The following UNC5CL variants were observed in gnomAD, a reference collection of about 807,000 sequenced individuals.
UNC5CL encodes UNC5C-like protein.
In UNC5CL, 42 loss-of-function variants were observed where a neutral mutation model predicts 54.1. The ratio of observed to expected loss-of-function variants is 0.78; its 90% CI spans 0.61 to 1.00. The LOEUF (loss-of-function observed/expected upper bound fraction) is 1.00, where lower values mean the gene tolerates loss of function less well. UNC5CL is among the 50% of genes least tolerant of loss of function. The pLI, the probability that UNC5CL is intolerant of heterozygous loss-of-function variation, is 0.00. For missense variants in UNC5CL, 619 were observed against 675.6 expected (o/e 0.92, Z 0.93); for synonymous variants, 285 against 285.1 (o/e 1.00, Z 0.00).
Position 41,028,284 on chromosome 6 carries a change from C to CTT in UNC5CL, c.*88_*89insAA. 2 of 1,324,176 alleles carry CTT rather than the reference C, an allele frequency of 1.5e-6. No individual in the cohort carries two copies. Among genetic ancestry groups the CTT allele is most frequent in the Non-Finnish European group, 2.0e-6 (2 of 990,666 alleles). 82.0% of individuals were successfully genotyped at this position (1,324,176 alleles called of 1,614,324 possible). On this transcript the variant is annotated 3_prime_UTR_variant, in exon 9 of 9. Transcript: ENST00000244565. The surrounding 1 kb of genome is among the most constrained non-coding windows in gnomAD (Gnocchi z 4.3). ...AGGGTTCTGGGAAGGGTGGTGGGCA[C>CTT]AGCCAGGAACAGCTGCTGTGTTCCT...
At position 41,032,072 on chromosome 6, in the gene UNC5CL, A is replaced by G; in HGVS notation, c.1015T>C (p.Cys339Arg). Residue 339 changes from cysteine (C) to arginine (R), a missense_variant, in exon 5 of 9, where the codon TGC becomes CGC. Coordinates refer to ENST00000244565, the MANE Select transcript of UNC5CL (RefSeq NM_173561.3). The part of the protein sequence containing the change: ...VPHLHIWHGK[C>R]PFRSFCFRRK... ...CGGAAGCAGAAGGAGCGGAAGGGGC[A>G]CTTTCCATGCCAGATGTGGAGATGG... 1 of 1,614,176 alleles carries G rather than the reference A, an allele frequency of 6.2e-7. No individual in the cohort carries two copies.
rs1446657433 is a variant in UNC5CL, at chr6:41,030,733, T to C, written c.1142A>G (p.Glu381Gly). The change falls in exon 7 of 9, where the codon GAA (glutamate) becomes GGA (glycine). Residue 381 changes from glutamate to glycine, a missense_variant. Coordinates refer to ENST00000244565, the MANE Select transcript of UNC5CL (RefSeq NM_173561.3). ...FQDGLETKYM[E>G]ILRFQASEEE... ...CTCTGATGCCTGGAATCTGAGGATT[T>C]CCATATACTTGGTCTCCAAGCCCTG... 1 of 1,613,954 alleles carries C rather than the reference T, an allele frequency of 6.2e-7. No individual in the cohort carries two copies.
Position 41,033,287 on chromosome 6 carries a change from G to T in UNC5CL, c.687-141C>A, listed in dbSNP as rs139036340. ...AGAACACTCGAGGGGAGCACTTAGG[G>T]AGGAACTGGTAGGTTGGGGATGAAA... is the stretch of plus-strand genomic sequence containing the variant. On this transcript the variant is annotated intron_variant, in intron 3 of 8. Coordinates refer to ENST00000244565, the MANE Select transcript of UNC5CL (RefSeq NM_173561.3). 3.5e-4 allele frequency: 370 copies of T among 1,052,324 alleles called. 4 individuals are homozygous for T. The East Asian group carries it at 9.5e-3, about 27-fold the overall frequency. The allele number at this position is 1,052,324 out of a possible 1,614,324, so 65.2% of individuals were successfully genotyped here.
rs775177885 is a variant in UNC5CL, at chr6:41,030,640, C to A, written c.1220+15G>T. The A allele has an allele frequency of 2.5e-6, 4 of 1,613,958 alleles. No homozygotes were observed. The highest frequency in any genetic ancestry group is 1.7e-4 in the Middle Eastern group (1 of 6,004). ...AACATCCCCCAGGCAGCAGCCCAAG[C>A]AACCCCCGTCTCACCTATTGCATGG... On this transcript the variant is annotated intron_variant, in intron 7 of 8. Coordinates refer to ENST00000244565, the MANE Select transcript of UNC5CL (RefSeq NM_173561.3).
In UNC5CL at chr6:41,030,495, G is replaced by A. The variant is rs1762441691; in HGVS notation, c.1227C>T (p.Pro409=). The A allele has an allele frequency of 1.2e-6, 2 of 1,614,176 alleles. No individual in the cohort carries two copies. The highest frequency in any genetic ancestry group is 1.7e-6 in the Non-Finnish European group (2 of 1,180,028). ...TCCGCAGCTGCTCAAAGAGCTCTGG[G>A]GGCAGCCTTAGGCAGGGAAAAGGGT... The part of the protein sequence containing the change: ...VSQPPPCNRL[P]PELFEQLRML... The change falls in exon 8 of 9, where the codon CCC becomes CCT. Residue 409 remains proline (P), a synonymous_variant. Transcript: ENST00000244565.
intron 8 of UNC5CL, among the ~76,000 whole-genome samples, chr6:41,030,172 G>A (rs1762436166): frequency 6.6e-6 from 1 of 152,220 alleles, no homozygotes; most frequent in Admixed American, 6.5e-5. Context: ...ACTGTTAAAT[G>A]TTAATTGAGC....
At chr6:41,037,256 T>G (rs1291365956) in intron 1 of UNC5CL, among the ~76,000 whole-genome samples, 1 of 152,226 alleles carries the variant, frequency 6.6e-6, no homozygotes, top group African/African-American at 2.4e-5. Context: ...CGGCTGTGTA[T>G]CGGACACTGT....
Position 41,033,902 on chromosome 6 carries a change from C to T in UNC5CL, c.665G>A (p.Arg222His), listed in dbSNP as rs760223916. The change falls in exon 3 of 9, where the codon CGC (arginine) becomes CAC (histidine). Residue 222 changes from arginine (R) to histidine (H), a missense_variant. Coordinates refer to ENST00000244565, the MANE Select transcript of UNC5CL (RefSeq NM_173561.3). ...PGAHASRDEC[R>H]IHLSHFSLYT... The stretch of plus-strand genomic sequence containing the variant: ...CTACCTGAAGTGGGAGAGGTGGATG[C>T]GACACTCATCCCGGGAGGCGTGGGC... 4.3e-6 allele frequency: 7 copies of T among 1,613,384 alleles called. No individual in the cohort carries two copies. Among genetic ancestry groups the T allele is most frequent in the African/African-American group, 4.0e-5 (3 of 74,910 alleles).
chr6:41,031,836 C>T, intron 5 of UNC5CL, 88 bp from the exon 6 acceptor site: 3 of 1,434,396 alleles, frequency 2.1e-6, no homozygotes, highest in South Asian at 2.3e-5. Context: ...TATAGTAAGA[C>T]TTGGGAAATC....
At chr6:41,034,542 G>A (rs1450370878) in intron 2 of UNC5CL, 148 bp downstream of exon 2, 1 of 1,079,974 alleles carries the variant, frequency 9.3e-7, no homozygotes, top group Non-Finnish European at 1.3e-6. Context: ...TATGTAATAT[G>A]TCCATCCCTG....
At chr6:41,034,643 TAC>T in intron 2 of UNC5CL, 45 bp downstream of exon 2, 1 of 1,578,086 alleles carries the variant, frequency 6.3e-7, no homozygotes, top group Non-Finnish European at 8.6e-7. Flanking sequence ...TGACCTAATG[TAC>T]AGTCTGACCA....
chr6:41,034,235 C>A, intron 2 of UNC5CL, 54 bp from the exon 3 acceptor site: 1 of 1,538,846 alleles, frequency 6.5e-7, no homozygotes, highest in Non-Finnish European at 8.7e-7. Flanking sequence ...ACACCCCTGC[C>A]CCTGAAAGAG....
chr6:41,029,224 C>T lies in UNC5CL; in HGVS notation c.1335-629G>A, dbSNP rs574537645. 6.6e-6 allele frequency among the ~76,000 whole-genome samples: 1 copy of T among 152,260 alleles called. No homozygotes were observed. Among genetic ancestry groups the T allele is most frequent in the Admixed American group, 6.5e-5 (1 of 15,290 alleles). On this transcript the variant is annotated intron_variant, in intron 8 of 8. Transcript: ENST00000244565. The surrounding 1 kb of genome is among the most constrained non-coding windows in gnomAD (Gnocchi z 4.1). ...CTCTCTCTTTCTCGCCTTGCACACA[C>T]TACACCCACAGCCACCTCTGCTACT...
intron 4 of UNC5CL, 41 bp from the exon 5 acceptor site, chr6:41,032,178 G>A: frequency 1.9e-6 from 3 of 1,551,668 alleles, no homozygotes; most frequent in Non-Finnish European, 2.7e-6. Flanking sequence ...AGAGAGTGGG[G>A]CCTTAAACAA....
rs371618723 is a variant in UNC5CL, at chr6:41,032,864, C to G, written c.949+20G>C. On this transcript the variant is annotated intron_variant, in intron 4 of 8. Coordinates refer to ENST00000244565, the MANE Select transcript of UNC5CL (RefSeq NM_173561.3). Reference sequence around the variant, plus strand: ...TGGGGCTCCCGATCATCCTATCCCACAGGCCACTGCCTCCCTCACCCTCTG... The same window carrying G: ...TGGGGCTCCCGATCATCCTATCCCAGAGGCCACTGCCTCCCTCACCCTCTG... The G allele has an allele frequency of 8.9e-6, 14 of 1,575,274 alleles. No individual in the cohort carries two copies. In the East Asian group the frequency reaches 3.0e-4, roughly 33 times the overall value.
intron 4 of UNC5CL, among the ~76,000 whole-genome samples, chr6:41,032,642 T>C (rs1368685433): frequency 6.6e-6 from 1 of 152,136 alleles, no homozygotes; most frequent in African/African-American, 2.4e-5. Flanking sequence ...GCACCTGTAA[T>C]TGCAGCTACT....
At position 41,031,994 on chromosome 6, in the gene UNC5CL, G is replaced by C. The variant is rs765407174; in HGVS notation, c.1051+42C>G. ...GAGGGAAGGAGAGGAGACAGGATGG[G>C]AAAAGAGAGGGGAGGAGGTACACAC... On this transcript the variant is annotated intron_variant, in intron 5 of 8. Coordinates refer to ENST00000244565, the MANE Select transcript of UNC5CL (RefSeq NM_173561.3). 3 of 1,595,220 alleles carry C rather than the reference G, an allele frequency of 1.9e-6. No homozygotes were observed. In the Admixed American group the frequency reaches 5.0e-5, roughly 27 times the overall value.
chr6:41,030,371 C>T lies in UNC5CL; in HGVS notation c.1334+17G>A. 1 of 1,613,240 alleles carries T rather than the reference C, an allele frequency of 6.2e-7. No individual in the cohort carries two copies. Among genetic ancestry groups the T allele is most frequent in the Non-Finnish European group, 8.5e-7 (1 of 1,179,260 alleles). On this transcript the variant is annotated intron_variant, in intron 8 of 8. Coordinates refer to ENST00000244565, the MANE Select transcript of UNC5CL (RefSeq NM_173561.3). Reference sequence around the variant, plus strand: ...CCACCCTCCTCTACCATCCACAGACCTCACCCCTCTTCCTACCGGATCTTC... The same window carrying T: ...CCACCCTCCTCTACCATCCACAGACTTCACCCCTCTTCCTACCGGATCTTC...
intron 3 of UNC5CL, 82 bp downstream of exon 3, chr6:41,033,799 T>G (rs895410277): frequency 1.4e-5 from 20 of 1,469,844 alleles, no homozygotes; most frequent in Non-Finnish European, 1.8e-5. Flanking sequence ...GAGATGAAGA[T>G]AAGGCAGACA....
Sources: gnomAD v4.1 joint callset for allele counts (sites outside exome capture counted in the v4.1 genomes callset) on GRCh38, gnomAD v4.1.1 for gene constraint, Gnocchi (gnomAD v3.1) non-coding constraint, MANE v1.5 for transcripts, NCBI Gene and HGNC (gene_info 2026-07-23, HGNC 2026-07-21) for gene names.